The following RGP1 variants were observed in gnomAD, a reference collection of about 807,000 sequenced individuals.
RGP1 encodes the protein RAB6A-GEF complex partner protein 2.
In RGP1, 28 loss-of-function variants were observed where a neutral mutation model predicts 44.5. The ratio of observed to expected loss-of-function variants is 0.63; its 90% CI spans 0.47 to 0.86. The LOEUF (loss-of-function observed/expected upper bound fraction) is 0.86. RGP1 is among the 40% of genes least tolerant of loss of function. The pLI, the probability that RGP1 is intolerant of heterozygous loss-of-function variation, is 0.00. For missense variants in RGP1, 417 were observed against 490.7 expected (o/e 0.85, Z 1.42); for synonymous variants, 212 against 196.7 (o/e 1.08, Z -0.65).
chr9:35,766,125 G>A, the RGP1 span, among the ~76,000 whole-genome samples: 1 of 146,084 alleles, frequency 6.8e-6, no homozygotes, highest in African/African-American at 2.5e-5. Context: ...CCACCGTGCC[G>A]GCCTTAGTAT....
At chr9:35,776,313 G>C in the RGP1 span, among the ~76,000 whole-genome samples, 1 of 150,684 alleles carries the variant, frequency 6.6e-6, no homozygotes, top group African/African-American at 2.4e-5. Flanking sequence ...TTTAGATGGA[G>C]TCTTGCTGTG....
At chr9:35,776,882 C>T in the RGP1 span, among the ~76,000 whole-genome samples, 11 of 151,076 alleles carry the variant, frequency 7.3e-5, no homozygotes, top group African/African-American at 2.4e-4. Context: ...GTAGTCCCAG[C>T]TACTCAGGAG....
In RGP1 at chr9:35,752,786, G is replaced by GT. The variant is rs1325343328; in HGVS notation, c.1088_1089insT (p.Trp363CysfsTer11). On this transcript the variant is annotated frameshift_variant, in exon 9 of 9. Transcript: ENST00000378078. LOFTEE classifies it high-confidence loss of function. ...CAAGTACCTGTAGACACCTTCAGCT[G>GT]GGACCTGCCCATCAAGGTGCTGCCT... The GT allele has an allele frequency of 6.2e-7, 1 of 1,613,804 alleles. No homozygotes were observed.
At chr9:35,769,172 G>A in the RGP1 span, among the ~76,000 whole-genome samples, 2 of 152,274 alleles carry the variant, frequency 1.3e-5, no homozygotes, top group Admixed American at 1.3e-4. Flanking sequence ...ACCTGCCTCA[G>A]CACCACCAGT....
Position 35,753,436 on chromosome 9 carries a change from T to C in RGP1, c.*562T>C, listed in dbSNP as rs947979379. On this transcript the variant is annotated 3_prime_UTR_variant, in exon 9 of 9. Transcript: ENST00000378078. This position sits in a 1 kb window ranked among gnomAD's most constrained non-coding sequence, Gnocchi z 4.2. ...AGCTGTCACCTACCATATGTGGGCC[T>C]TTTTGTTTTATAACAGGAGTATTTT... The C allele has an allele frequency of 1.2e-6, 1 of 860,728 alleles. No individual in the cohort carries two copies. The highest frequency in any genetic ancestry group is 1.8e-5 in the South Asian group (1 of 55,620). 53.3% of individuals were successfully genotyped at this position (860,728 alleles called of 1,614,324 possible).
At chr9:35,772,605 A>G in the RGP1 span, among the ~76,000 whole-genome samples, 1 of 151,994 alleles carries the variant, frequency 6.6e-6, no homozygotes, top group Admixed American at 6.6e-5. Flanking sequence ...CATCCTGGCT[A>G]ACACGGTGAA....
Position 35,752,159 on chromosome 9 carries a change from T to C in RGP1, c.952+14T>C. On this transcript the variant is annotated intron_variant, in intron 8 of 8. Transcript: ENST00000378078. ...GTACAGCCATTGGTGAGACCCTCAC[T>C]GTTACTGGAGAAGGGAGAGGGGGAC... The C allele has an allele frequency of 6.5e-7, 1 of 1,534,406 alleles. No individual in the cohort carries two copies. The highest frequency in any genetic ancestry group is 2.3e-5 in the East Asian group (1 of 44,266).
Position 35,752,943 on chromosome 9 carries a change from C to G in RGP1, c.*69C>G. The G allele has an allele frequency of 6.4e-7, 1 of 1,551,386 alleles. No homozygotes were observed. The highest frequency in any genetic ancestry group is 8.8e-7 in the Non-Finnish European group (1 of 1,136,706). On this transcript the variant is annotated 3_prime_UTR_variant, in exon 9 of 9. Coordinates refer to ENST00000378078, the MANE Select transcript of RGP1 (RefSeq NM_001080496.3). ...TCAGCACCTGGACTCTAATGGGACC[C>G]ACTTTTTCCACCTGGGGTCCAATGT...
rs371502721 is a variant in RGP1 at position 35,752,688 on chromosome 9, G to A, written c.990G>A (p.Thr330=). ...LKWRLHFEFV[T]SREPGLVLLP... is the part of the protein sequence containing the mutation. Reference sequence around the variant, plus strand: ...GGAGATTGCATTTTGAATTTGTAACGTCCCGAGAACCAGGATTGGTACTCC... The same window carrying A: ...GGAGATTGCATTTTGAATTTGTAACATCCCGAGAACCAGGATTGGTACTCC... The change falls in exon 9 of 9, where the codon ACG becomes ACA. Residue 330 remains threonine (T), a synonymous_variant. Coordinates refer to ENST00000378078, the MANE Select transcript of RGP1 (RefSeq NM_001080496.3). 687 of 1,613,086 alleles carry A rather than the reference G, an allele frequency of 4.3e-4. 9 individuals are homozygous for A. The South Asian group carries it at 6.2e-3, about 15-fold the overall frequency.
At chr9:35,765,166 A>T in the RGP1 span, among the ~76,000 whole-genome samples, 1 of 152,112 alleles carries the variant, frequency 6.6e-6, no homozygotes, top group Admixed American at 6.5e-5. Flanking sequence ...CTGAGCAATA[A>T]TTCATTGTAT....
At chr9:35,784,505 A>C in the RGP1 span, among the ~76,000 whole-genome samples, 3 of 152,298 alleles carry the variant, frequency 2.0e-5, no homozygotes, top group East Asian at 3.9e-4. Flanking sequence ...GCTGGAGTGC[A>C]ATGGCACTAT....
Position 35,751,976 on chromosome 9 carries a change from C to G in RGP1, c.783C>G (p.Thr261=), listed in dbSNP as rs570413538. Residue 261 remains threonine, a synonymous_variant, in exon 8 of 9, where the codon ACC becomes ACG. Coordinates refer to ENST00000378078, the MANE Select transcript of RGP1 (RefSeq NM_001080496.3). The part of the protein sequence containing the change: ...ACLQFSVSLQ[T]EERVQPEYQR... ...CCCAGTTTTCAGTCAGCTTACAGAC[C>G]GAGGAGCGTGTACAGCCTGAGTACC... 2.5e-6 allele frequency: 4 copies of G among 1,582,680 alleles called. No homozygotes were observed. The South Asian group carries it at 4.7e-5, about 19-fold the overall frequency.
chr9:35,785,709 G>A, the RGP1 span, among the ~76,000 whole-genome samples: 3 of 152,114 alleles, frequency 2.0e-5, no homozygotes, highest in South Asian at 2.1e-4. Flanking sequence ...TTTAGATGGC[G>A]CCGGGGTTCA....
In RGP1 at chr9:35,750,667, GC is replaced by G; in HGVS notation, c.265del (p.Gln89SerfsTer15). The G allele has an allele frequency of 6.2e-7, 1 of 1,613,976 alleles. No individual in the cohort carries two copies. Among genetic ancestry groups the G allele is most frequent in the Non-Finnish European group, 8.5e-7 (1 of 1,179,844 alleles). The part of the protein sequence containing the change: ...TVFLPHRGER[G>X]QCILSTPPKI... ...TTTTTACCTTTTTCAGGTGAGAGGGGCCAGTGTATCCTTTCTACTCCACCGA... is the reference window on the plus strand; with the variant it reads ...TTTTTACCTTTTTCAGGTGAGAGGGGCAGTGTATCCTTTCTACTCCACCGA... On this transcript the variant is annotated frameshift_variant, in exon 4 of 9. Coordinates refer to ENST00000378078, the MANE Select transcript of RGP1 (RefSeq NM_001080496.3). LOFTEE classifies it high-confidence loss of function.
At position 35,752,128 on chromosome 9, in the gene RGP1, G is replaced by C. The variant is rs531831736; in HGVS notation, c.935G>C (p.Gly312Ala). The C allele has an allele frequency of 6.4e-7, 1 of 1,571,874 alleles. No individual in the cohort carries two copies. Among genetic ancestry groups the C allele is most frequent in the Non-Finnish European group, 8.6e-7 (1 of 1,160,344 alleles). Residue 312 changes from glycine to alanine, a missense_variant, in exon 8 of 9, where the codon GGC becomes GCC. Coordinates refer to ENST00000378078, the MANE Select transcript of RGP1 (RefSeq NM_001080496.3). ...SLPIPLSSTPGFCTAIVSLKW... is the reference protein window; with the variant it reads ...SLPIPLSSTPAFCTAIVSLKW... ...CCAATCCCTCTCAGCTCCACCCCAGGCTTCTGTACAGCCATTGGTGAGACC... is the reference window on the plus strand; with the variant it reads ...CCAATCCCTCTCAGCTCCACCCCAGCCTTCTGTACAGCCATTGGTGAGACC...
At chr9:35,775,672 C>T in the RGP1 span, among the ~76,000 whole-genome samples, 10 of 152,174 alleles carry the variant, frequency 6.6e-5, no homozygotes, top group Non-Finnish European at 1.2e-4. Flanking sequence ...AACAGTTTCT[C>T]TTTTTTGGTC....
chr9:35,780,332 C>T, the RGP1 span: 35,849 of 151,956 alleles, frequency 0.24, 4,589 homozygotes, highest in East Asian at 0.37. Context: ...TAAGCCATAT[C>T]GGACTGAGTC....
Position 35,754,179 on chromosome 9 carries a change from C to T in RGP1, c.*1305C>T, listed in dbSNP as rs202173848. 4.5e-6 allele frequency: 7 copies of T among 1,571,450 alleles called. No individual in the cohort carries two copies. The highest frequency in any genetic ancestry group is 6.0e-6 in the Non-Finnish European group (7 of 1,157,864). On this transcript the variant is annotated 3_prime_UTR_variant, in exon 9 of 9. Coordinates refer to ENST00000378078, the MANE Select transcript of RGP1 (RefSeq NM_001080496.3). ...CCTTCTTGGCCTCTGCTCAGCTACT[C>T]TGGTCTTGACTCCTTGACTTTGCTT... is the stretch of plus-strand genomic sequence containing the variant.
Position 35,749,888 on chromosome 9 carries a change from T to C in RGP1, c.116+17T>C, listed in dbSNP as rs1379103967. 5 of 1,566,118 alleles carry C rather than the reference T, an allele frequency of 3.2e-6. No homozygotes were observed. In the East Asian group the frequency reaches 6.7e-5, roughly 21 times the overall value. ...TGCATCCAGGTGGGGATGCTGGCAC[T>C]GAAGGTGGTGGCCCTTCTGGGAAGA... On this transcript the variant is annotated intron_variant, in intron 2 of 8. Coordinates refer to ENST00000378078, the MANE Select transcript of RGP1 (RefSeq NM_001080496.3). This position sits in a 1 kb window ranked among gnomAD's most constrained non-coding sequence, Gnocchi z 4.4.
Sources: gnomAD v4.1 joint callset for allele counts (sites outside exome capture counted in the v4.1 genomes callset) on GRCh38, gnomAD v4.1.1 for gene constraint, Gnocchi (gnomAD v3.1) non-coding constraint, MANE v1.5 for transcripts, NCBI Gene and HGNC (gene_info 2026-07-23, HGNC 2026-07-21) for gene names.